The following TEX14 variants were observed in gnomAD, a reference collection of about 807,000 sequenced individuals.
TEX14 encodes the protein testis expressed 14, intercellular bridge forming factor.
TEX14 carries 168 observed loss-of-function variants against 178.6 expected under a neutral mutation model. That is an observed-to-expected ratio of 0.94 (90% CI 0.83 to 1.07). The LOEUF (loss-of-function observed/expected upper bound fraction) is 1.07. TEX14 is among the 50% of genes least tolerant of loss of function. The pLI is 0.00. For missense variants in TEX14, 1,730 were observed against 1,753.6 expected, an observed-to-expected ratio of 0.99 and a Z score of 0.24; for synonymous variants, 626 against 634.1, an observed-to-expected ratio of 0.99 and a Z score of 0.19.
intron 2 of TEX14, among the ~76,000 whole-genome samples, chr17:58,643,872 C>A (rs2046631222): frequency 6.9e-5 from 3 of 43,296 alleles, no homozygotes; most frequent in Admixed American, 3.1e-4. Flanking sequence ...AAGACTCTGT[C>A]TCAAAAAAAA....
At chr17:58,574,155 G>C in intron 22 of TEX14, 32 bp downstream of exon 22, 1 of 1,559,752 alleles carries the variant, frequency 6.4e-7, no homozygotes, top group Non-Finnish European at 8.8e-7. Context: ...CTTTACACAA[G>C]CATCCCTAGG....
intron 23 of TEX14, 26 bp downstream of exon 23, chr17:58,573,155 C>G: frequency 6.2e-7 from 1 of 1,612,480 alleles, no homozygotes. Context: ...TCCTTCTCCC[C>G]AAACACTTCT....
intron 1 of TEX14, chr17:58,661,148 A>G (rs769762502): frequency 2.0e-5 from 17 of 829,690 alleles, no homozygotes; most frequent in Non-Finnish European, 3.7e-5. Context: ...TGCCATAGCA[A>G]CGAGGCTAGG....
intron 19 of TEX14, 35 bp downstream of exon 19, chr17:58,584,465 G>C: frequency 7.0e-7 from 1 of 1,420,838 alleles, no homozygotes; most frequent in South Asian, 1.1e-5. Context: ...TTAGATCTTT[G>C]GGTTCAACTT....
chr17:58,631,583 A>C (rs974801931), intron 2 of TEX14: 2 of 151,994 alleles, frequency 1.3e-5, no homozygotes, highest in African/African-American at 4.8e-5. Flanking sequence ...TATACTCAAA[A>C]ATTAAAAACA....
At position 58,611,233 on chromosome 17, in the gene TEX14, A is replaced by C. The variant is rs1473244723; in HGVS notation, c.1112T>G (p.Leu371Arg). 3 of 1,613,966 alleles carry C rather than the reference A, an allele frequency of 1.9e-6. No individual in the cohort carries two copies. The highest frequency in any genetic ancestry group is 2.5e-6 in the Non-Finnish European group (3 of 1,179,876). Residue 371 changes from leucine (L) to arginine (R), a missense_variant, in exon 10 of 32, where the codon CTC becomes CGC. Around this residue, in one of 2 missense-constraint regions of TEX14, gnomAD observed 789 missense variants for 681.2 expected, o/e 1.16. Transcript: ENST00000349033. ...GATGATATGGACAGCATAGGAGCTGAGGGAGCGGTGGATAAACCCCTGGAA... is the reference window on the plus strand; with the variant it reads ...GATGATATGGACAGCATAGGAGCTGCGGGAGCGGTGGATAAACCCCTGGAA... ...LHFQGFIHRS[L>R]SSYAVHIISP... is the part of the protein sequence containing the mutation.
intron 2 of TEX14, among the ~76,000 whole-genome samples, chr17:58,649,193 C>A (rs77958167): frequency 6.6e-5 from 10 of 152,004 alleles, no homozygotes; most frequent in Admixed American, 5.2e-4. Flanking sequence ...GATTCTCCTG[C>A]CTCAGCCTCC....
intron 2 of TEX14, among the ~76,000 whole-genome samples, chr17:58,637,295 A>T (rs1476799257): frequency 6.6e-6 from 1 of 152,210 alleles, no homozygotes; most frequent in Admixed American, 6.6e-5. Context: ...CCTGACGTAG[A>T]GCTTCTAAAA....
Position 58,611,265 on chromosome 17 carries a change from G to T in TEX14, c.1080C>A (p.Tyr360Ter). Residue 360 changes from tyrosine (Y) to a stop codon, truncating the protein, a stop_gained, in exon 10 of 32, where the codon TAC (tyrosine) becomes TAA (stop). Transcript: ENST00000349033. LOFTEE classifies it high-confidence loss of function. ...GGTGGATAAACCCCTGGAAATGCAGGTATCTCAGGGCATCAGATATCTGGA... is the reference window on the plus strand; with the variant it reads ...GGTGGATAAACCCCTGGAAATGCAGTTATCTCAGGGCATCAGATATCTGGA... ...LLLQISDALR[Y>*]LHFQGFIHRS... The T allele has an allele frequency of 1.2e-6, 2 of 1,610,454 alleles. No individual in the cohort carries two copies. The highest frequency in any genetic ancestry group is 1.3e-5 in the African/African-American group (1 of 74,894).
At chr17:58,561,113 T>C (rs2044264953) in intron 29 of TEX14, among the ~76,000 whole-genome samples, 1 of 152,246 alleles carries the variant, frequency 6.6e-6, no homozygotes. Flanking sequence ...TTGACCTTTA[T>C]CTTTTACAGA....
chr17:58,686,849 A>G (rs1272643328), intron 1 of TEX14, among the ~76,000 whole-genome samples: 3 of 146,042 alleles, frequency 2.1e-5, no homozygotes, highest in Non-Finnish European at 4.5e-5. Context: ...CCACTTGAAC[A>G]TGAAAGGTCA....
At chr17:58,661,811 GTC>G (rs1229376184) in intron 1 of TEX14, 4 of 487,828 alleles carry the variant, frequency 8.2e-6, no homozygotes, top group Admixed American at 3.8e-5. Flanking sequence ...GTCAAACTTT[GTC>G]TCTCTGTTTC....
At chr17:58,574,349 C>A in intron 21 of TEX14, 100 bp from the exon 22 acceptor site, 1 of 896,398 alleles carries the variant, frequency 1.1e-6, no homozygotes, top group South Asian at 1.4e-5. Flanking sequence ...CAGTGTGAGA[C>A]GCAGAGGAAA....
intron 1 of TEX14, among the ~76,000 whole-genome samples, chr17:58,685,426 A>C (rs1372474308): frequency 6.6e-6 from 1 of 150,424 alleles, no homozygotes; most frequent in Admixed American, 6.7e-5. Context: ...GCAGAGTAAG[A>C]CTCGGTGTCA....
At chr17:58,666,291 T>C (rs1472516565) in intron 1 of TEX14, among the ~76,000 whole-genome samples, 1 of 151,526 alleles carries the variant, frequency 6.6e-6, no homozygotes, top group East Asian at 1.9e-4. Context: ...GAGGCTGCGG[T>C]GAGCCGAGAT....
chr17:58,601,438 C>T (rs1460800031), intron 13 of TEX14, among the ~76,000 whole-genome samples: 2 of 151,428 alleles, frequency 1.3e-5, no homozygotes, highest in African/African-American at 2.4e-5. Flanking sequence ...AGGAGAATTG[C>T]TTGAACCCGG....
chr17:58,607,362 C>T (rs2045633829), intron 10 of TEX14, among the ~76,000 whole-genome samples: 1 of 152,190 alleles, frequency 6.6e-6, no homozygotes, highest in Admixed American at 6.5e-5. Flanking sequence ...TTGACCCCAG[C>T]AACTCCATGC....
intron 2 of TEX14, among the ~76,000 whole-genome samples, chr17:58,639,555 C>A (rs2046524770): frequency 1.3e-5 from 2 of 152,154 alleles, no homozygotes; most frequent in African/African-American, 4.8e-5. Flanking sequence ...ACAAAATTAG[C>A]CGGGCGTGGT....
chr17:58,679,441 T>C (rs898573065), intron 1 of TEX14: 1 of 148,372 alleles, frequency 6.7e-6, no homozygotes, highest in Admixed American at 6.8e-5. Context: ...AATCTCTCGC[T>C]ATTCCAAAAC....
Sources: gnomAD v4.1 joint callset for allele counts (sites outside exome capture counted in the v4.1 genomes callset) on GRCh38, gnomAD v4.1.1 for gene constraint, gnomAD v4.1.1 regional missense constraint, MANE v1.5 for transcripts, NCBI Gene and HGNC (gene_info 2026-07-23, HGNC 2026-07-21) for gene names.